Variants in POLA1 observed in about 807,000 individuals in gnomAD.
POLA1 encodes the protein DNA polymerase alpha catalytic subunit.
In POLA1, 15 loss-of-function variants were observed where a neutral mutation model predicts 124.0. The observed-to-expected ratio is 0.12, with a 90% confidence interval of 0.08 to 0.19. The LOEUF (loss-of-function observed/expected upper bound fraction) is 0.19, where lower values mean the gene tolerates loss of function less well. Among genes scored for constraint, POLA1 ranks in the 10% least tolerant of loss-of-function variants. The pLI is 1.00. For synonymous variants in POLA1, 408 were observed against 389.4 expected (o/e 1.05, Z -0.56); for missense variants, 886 against 1,103.4 (o/e 0.80, Z 2.79).
chrX:24,757,908 G>A (rs1932695749), intron 26 of POLA1, among the ~76,000 whole-genome samples: 1 of 111,778 alleles, frequency 8.9e-6, no homozygotes, highest in Admixed American at 9.5e-5. Flanking sequence ...AGCCTGTACT[G>A]TAGAAACAAC....
rs752074051 is a variant in POLA1 at position 24,844,476 on chromosome X, C to CAA, written c.4047+812_4047+813dup. ...TAAAAGCTACATTGGCAACACATTT[C>CAA]AAAAAAAAAAAAAAGCTCATGTCTT... is the stretch of plus-strand genomic sequence containing the variant. On this transcript the variant is annotated intron_variant, in intron 34 of 36. Coordinates refer to ENST00000379068, the MANE Select transcript of POLA1 (RefSeq NM_001330360.2). Among the ~76,000 whole-genome samples, 12 of 83,505 alleles carry CAA rather than the reference C, an allele frequency of 1.4e-4. No individual in the cohort carries two copies. The East Asian group carries it at 3.0e-3, about 21-fold the overall frequency. 72.5% of individuals were successfully genotyped at this position (83,505 alleles called of 115,157 possible). A position where few individuals can be genotyped will look rare whatever the true frequency, so the allele number is the denominator to read the frequency against.
At chrX:24,828,290 A>T (rs2046206570) in intron 32 of POLA1, among the ~76,000 whole-genome samples, 1 of 112,505 alleles carries the variant, frequency 8.9e-6, no homozygotes, top group African/African-American at 3.2e-5. Flanking sequence ...TGACAACCTC[A>T]CAAAGGTATG....
chrX:24,697,512 CAA>C (rs1928100094), intron 1 of POLA1, among the ~76,000 whole-genome samples: 1 of 111,466 alleles, frequency 9.0e-6, no homozygotes, highest in South Asian at 3.8e-4. Flanking sequence ...ATTTAAAAGT[CAA>C]ATGTGAAAGT....
At chrX:24,833,548 C>G (rs934097445) in intron 32 of POLA1, among the ~76,000 whole-genome samples, 6 of 111,369 alleles carry the variant, frequency 5.4e-5, no homozygotes, top group Non-Finnish European at 9.4e-5. Flanking sequence ...TTTACCACAT[C>G]CATACCAACA....
chrX:24,789,886 A>G lies in POLA1; in HGVS notation c.2965-20012A>G, dbSNP rs766264416. On this transcript the variant is annotated intron_variant, in intron 26 of 36. Coordinates refer to ENST00000379068, the MANE Select transcript of POLA1 (RefSeq NM_001330360.2). ...CGCTGAGTGCCTAATTTACATTTAA[A>G]GCTGAAGTAATGAAGCCTTTATTTT... is the stretch of plus-strand genomic sequence containing the variant. Among the ~76,000 whole-genome samples the G allele has an allele frequency of 6.3e-5, 7 of 111,831 alleles. No individual in the cohort carries two copies. The South Asian group carries it at 1.9e-3, about 30-fold the overall frequency.
chrX:24,973,008 G>T (rs1168061277), intron 36 of POLA1, among the ~76,000 whole-genome samples: 1 of 112,246 alleles, frequency 8.9e-6, no homozygotes, highest in Non-Finnish European at 1.9e-5. Flanking sequence ...TCTGGCTGAG[G>T]AAGATGTGGG....
At chrX:24,960,718 G>C (rs2048159154) in intron 36 of POLA1, among the ~76,000 whole-genome samples, 1 of 111,219 alleles carries the variant, frequency 9.0e-6, no homozygotes, top group Non-Finnish European at 1.9e-5. Context: ...ACAATATTTT[G>C]ACTCTCCAAA....
At chrX:24,828,226 C>T (rs1195061987) in intron 32 of POLA1, among the ~76,000 whole-genome samples, 1 of 112,650 alleles carries the variant, frequency 8.9e-6, no homozygotes, top group African/African-American at 3.2e-5. Context: ...TGAGCGTTTG[C>T]TCTGTTGGAT....
At chrX:24,925,479 TGA>T (rs747838980) in intron 35 of POLA1, among the ~76,000 whole-genome samples, 13 of 111,972 alleles carry the variant, frequency 1.2e-4, no homozygotes, top group South Asian at 7.5e-4. Context: ...TCCCTACAAA[TGA>T]GAGAGAAAAG....
chrX:24,724,251 T>C (rs771399794), intron 11 of POLA1, 84 bp from the exon 12 acceptor site: 5 of 490,449 alleles, frequency 1.0e-5, no homozygotes, highest in Admixed American at 4.3e-5. Context: ...AAAATTGATA[T>C]AGACTTGGAT....
intron 35 of POLA1, among the ~76,000 whole-genome samples, chrX:24,899,605 G>A (rs2047249658): frequency 8.9e-6 from 1 of 111,837 alleles, no homozygotes; most frequent in African/African-American, 3.3e-5. Flanking sequence ...GCTAAGCTGC[G>A]GGAGATGAGA....
intron 35 of POLA1, among the ~76,000 whole-genome samples, chrX:24,914,838 TCACTACAG>T (rs1376007369): frequency 8.9e-6 from 1 of 111,974 alleles, no homozygotes; most frequent in Non-Finnish European, 1.9e-5. Flanking sequence ...TCTCTTTATT[TCACTACAG>T]CCAGCATTCT....
In POLA1 at chrX:24,739,407, C is replaced by T. The variant is rs2148387922; in HGVS notation, c.2073C>T (p.Thr691=). The T allele has an allele frequency of 8.4e-7, 1 of 1,194,689 alleles. No individual in the cohort carries two copies. Residue 691 remains threonine, a synonymous_variant, in exon 20 of 37, where the codon ACC becomes ACT. Transcript: ENST00000379068. ...GTGGATTTGGTGAAAGAAATGCTAC[C>T]TGTGGTCGAATGATCTGTGATGTGG... ...GRSGFGERNA[T]CGRMICDVEI...
chrX:24,991,181 T>C (rs760573560), intron 36 of POLA1, among the ~76,000 whole-genome samples: 1 of 109,633 alleles, frequency 9.1e-6, no homozygotes, highest in East Asian at 2.9e-4. Flanking sequence ...TTTTTTTTTT[T>C]CCTTCTCTAC....
chrX:24,736,299 G>C (rs745929794), intron 18 of POLA1, among the ~76,000 whole-genome samples: 1 of 111,749 alleles, frequency 8.9e-6, no homozygotes, highest in Non-Finnish European at 1.9e-5. Flanking sequence ...AGTTCCTGTG[G>C]ATAGGAAGCG....
chrX:24,949,688 T>C (rs1007515495), intron 36 of POLA1, among the ~76,000 whole-genome samples: 1 of 109,532 alleles, frequency 9.1e-6, no homozygotes, highest in Non-Finnish European at 1.9e-5. Context: ...AGCTAACCTG[T>C]TTATGGCACT....
chrX:24,923,954 A>G (rs1298014535), intron 35 of POLA1, among the ~76,000 whole-genome samples: 1 of 112,282 alleles, frequency 8.9e-6, no homozygotes, highest in Non-Finnish European at 1.9e-5. Flanking sequence ...TAATTTACCT[A>G]AAGCCTAAAG....
chrX:24,737,566 A>T (rs1397328755), intron 18 of POLA1, 59 bp from the exon 19 acceptor site: 7 of 605,520 alleles, frequency 1.2e-5, no homozygotes, highest in Non-Finnish European at 2.0e-5. Flanking sequence ...GCGTATGAAG[A>T]TAAATCCTCT....
In POLA1 at chrX:24,711,272, C is replaced by T. The variant is rs575238821; in HGVS notation, c.347-3282C>T. On this transcript the variant is annotated intron_variant, in intron 4 of 36. Transcript: ENST00000379068. ...GTGTTGGGATTACAGGCATGAGCCACGGTGCCCGGCCCCTTTTCTTTCTTA... is the reference window on the plus strand; with the variant it reads ...GTGTTGGGATTACAGGCATGAGCCATGGTGCCCGGCCCCTTTTCTTTCTTA... Among the ~76,000 whole-genome samples, 10 of 112,765 alleles carry T rather than the reference C, an allele frequency of 8.9e-5. No homozygotes were observed. The South Asian group carries it at 2.2e-3, about 25-fold the overall frequency.
Sources: gnomAD v4.1 joint callset for allele counts (sites outside exome capture counted in the v4.1 genomes callset) on GRCh38, gnomAD v4.1.1 for gene constraint, MANE v1.5 for transcripts, NCBI Gene and HGNC (gene_info 2026-07-23, HGNC 2026-07-21) for gene names.